Variants in DCLK3 observed in about 807,000 individuals in gnomAD.
DCLK3 encodes the protein doublecortin like kinase 3.
In DCLK3, 30 loss-of-function variants were observed where a neutral mutation model predicts 46.4. The ratio of observed to expected loss-of-function variants is 0.65; its 90% CI spans 0.48 to 0.88. The LOEUF (loss-of-function observed/expected upper bound fraction) is 0.88, where lower values mean the gene tolerates loss of function less well. Ranked by LOEUF, DCLK3 falls within the 40% of genes least tolerant of loss-of-function variation. The pLI, the probability that DCLK3 is intolerant of heterozygous loss-of-function variation, is 0.00. For synonymous variants in DCLK3, 401 were observed against 339.2 expected (o/e 1.18, Z -2.00); for missense variants, 846 against 907.1 (o/e 0.93, Z 0.87).
intron 1 of DCLK3, among the ~76,000 whole-genome samples, chr3:36,751,623 T>C (rs539264720): frequency 1.3e-5 from 2 of 152,384 alleles, no homozygotes; most frequent in East Asian, 3.9e-4. Context: ...AGAGGCTTTA[T>C]AAGGATAAAC....
At position 36,750,421 on chromosome 3, in the gene DCLK3, A is replaced by G. The variant is rs141018982; in HGVS notation, c.83-11337T>C. 3.6e-3 allele frequency among the ~76,000 whole-genome samples: 544 copies of G among 152,326 alleles called. 3 individuals carry two copies. Among genetic ancestry groups the G allele is most frequent in the African/African-American group, 0.012 (500 of 41,558 alleles). On this transcript the variant is annotated intron_variant, in intron 1 of 4. Coordinates refer to ENST00000636136, the MANE Select transcript of DCLK3 (RefSeq NM_001394672.2). ...TCAATTTATTTCTCAAGAAGAAATA[A>G]ATAAGCTAAATAGCTCCACTGTGCT...
intron 2 of DCLK3, among the ~76,000 whole-genome samples, chr3:36,733,009 G>T (rs1259851875): frequency 6.6e-6 from 1 of 152,172 alleles, no homozygotes; most frequent in Non-Finnish European, 1.5e-5. Context: ...TATCCTTCTG[G>T]ATTTTCCCTG....
At chr3:36,718,303 A>T in intron 3 of DCLK3, 126 bp from the exon 4 acceptor site, 1 of 1,285,578 alleles carries the variant, frequency 7.8e-7, no homozygotes. Context: ...GCTCTCAGCA[A>T]CCAAGAGCCA....
At chr3:36,743,612 C>T (rs1313260846) in intron 1 of DCLK3, among the ~76,000 whole-genome samples, 1 of 152,124 alleles carries the variant, frequency 6.6e-6, no homozygotes, top group African/African-American at 2.4e-5. Context: ...AATAAATTGA[C>T]CTGGACTTGA....
chr3:36,723,839 G>A (rs991248136), intron 2 of DCLK3, among the ~76,000 whole-genome samples: 2 of 152,212 alleles, frequency 1.3e-5, no homozygotes, highest in African/African-American at 4.8e-5. Flanking sequence ...GTGCAGAAGG[G>A]AAATGTGGGG....
At chr3:36,744,464 C>T (rs1701377001) in intron 1 of DCLK3, among the ~76,000 whole-genome samples, 1 of 152,184 alleles carries the variant, frequency 6.6e-6, no homozygotes, top group South Asian at 2.1e-4. Context: ...TTTGTTTTAG[C>T]GCAAAGAACA....
intron 2 of DCLK3, among the ~76,000 whole-genome samples, chr3:36,736,261 G>T (rs1231763384): frequency 6.6e-6 from 1 of 152,150 alleles, no homozygotes; most frequent in East Asian, 1.9e-4. Flanking sequence ...AGCACGTGGG[G>T]GTAATTCTAT....
rs1575142933 is a variant in DCLK3, at chr3:36,738,872, C to T, written c.295G>A (p.Val99Ile). ...GGGCGCTGCCCACCCAGCTTCACTACGGTCACGACCCTGGGCTTCAGAGGG... is the reference window on the plus strand; with the variant it reads ...GGGCGCTGCCCACCCAGCTTCACTATGGTCACGACCCTGGGCTTCAGAGGG... ...NSPLKPRVVT[V>I]VKLGGQRPRK... Residue 99 changes from valine to isoleucine, a missense_variant, in exon 2 of 5, where the codon GTA (valine) becomes ATA (isoleucine). Val to Ile is a conservative substitution (Grantham distance 29, BLOSUM62 3). Coordinates refer to ENST00000636136, the MANE Select transcript of DCLK3 (RefSeq NM_001394672.2). The T allele has an allele frequency of 4.2e-5, 21 of 494,556 alleles. No homozygotes were observed. In the East Asian group the frequency reaches 7.0e-4, roughly 16 times the overall value. 30.6% of individuals were successfully genotyped at this position (494,556 alleles called of 1,614,324 possible).
At chr3:36,751,086 A>AAAC (rs1559394270) in intron 1 of DCLK3, among the ~76,000 whole-genome samples, 1 of 149,946 alleles carries the variant, frequency 6.7e-6, no homozygotes, top group Non-Finnish European at 1.5e-5. Flanking sequence ...AAAAAAAAAA[A>AAAC]CTCCCCGAAG....
chr3:36,735,402 A>T (rs1701248806), intron 2 of DCLK3, among the ~76,000 whole-genome samples: 1 of 152,246 alleles, frequency 6.6e-6, no homozygotes, highest in Non-Finnish European at 1.5e-5. Flanking sequence ...CCAACCAGTC[A>T]AACTGCTTCT....
At chr3:36,728,493 C>T (rs946417904) in intron 2 of DCLK3, among the ~76,000 whole-genome samples, 8 of 152,088 alleles carry the variant, frequency 5.3e-5, no homozygotes, top group East Asian at 3.9e-4. Flanking sequence ...TTGGATAGAA[C>T]GAAAGTAGGG....
chr3:36,721,801 G>C lies in DCLK3; in HGVS notation c.1960-142C>G, dbSNP rs1575135355. 6.2e-6 allele frequency: 6 copies of C among 971,586 alleles called. No individual in the cohort carries two copies. In the African/African-American group the frequency reaches 9.9e-5, roughly 16 times the overall value. The allele number at this position is 971,586 out of a possible 1,614,324, so 60.2% of individuals were successfully genotyped here. A position where few individuals can be genotyped will look rare whatever the true frequency, so the allele number is the denominator to read the frequency against. ...TACAGCTTAGCCCAACACTGACAAA[G>C]CTAACTTGACCTCAATGACAAGGGC... is the stretch of plus-strand genomic sequence containing the variant. On this transcript the variant is annotated intron_variant, in intron 2 of 4. Coordinates refer to ENST00000636136, the MANE Select transcript of DCLK3 (RefSeq NM_001394672.2).
intron 1 of DCLK3, among the ~76,000 whole-genome samples, chr3:36,742,418 A>G (rs1476939135): frequency 6.6e-6 from 1 of 152,198 alleles, no homozygotes; most frequent in Non-Finnish European, 1.5e-5. Flanking sequence ...TAAGCTCCAT[A>G]AGAACAGCCT....
intron 2 of DCLK3, among the ~76,000 whole-genome samples, chr3:36,726,161 C>A (rs1313976337): frequency 3.9e-5 from 6 of 152,064 alleles, no homozygotes; most frequent in Non-Finnish European, 7.4e-5. Context: ...AAAGATGCAT[C>A]GGTGCCGCCT....
In DCLK3 at chr3:36,721,556, T is replaced by A; in HGVS notation, c.2063A>T (p.Tyr688Phe). Reference sequence around the variant, plus strand: ...CTCAGAAAGAATTTCGGGAGCTACGTAAGTTGGGGTCCCACACACAGTAAA... The same window carrying A: ...CTCAGAAAGAATTTCGGGAGCTACGAAAGTTGGGGTCCCACACACAGTAAA... ...PIFTVCGTPT[Y>F]VAPEILSEKG... The change falls in exon 3 of 5, where the codon TAC becomes TTC. Residue 688 changes from tyrosine to phenylalanine, a missense_variant. Tyr to Phe is a conservative substitution (Grantham distance 22). This residue lies in a region of DCLK3 where 247 missense variants were observed against 322.8 expected (regional missense o/e 0.77). Transcript: ENST00000636136. 3 of 1,614,138 alleles carry A rather than the reference T, an allele frequency of 1.9e-6. No individual in the cohort carries two copies. The highest frequency in any genetic ancestry group is 2.5e-6 in the Non-Finnish European group (3 of 1,180,004).
rs1054563305 is a variant in DCLK3 at position 36,715,098 on chromosome 3, C to T, written c.*230G>A. Reference sequence around the variant, plus strand: ...CCAAAATTCCTCACTGATGACAATGCTTACCCCCCAAAAATGTATTAAAGG... The same window carrying T: ...CCAAAATTCCTCACTGATGACAATGTTTACCCCCCAAAAATGTATTAAAGG... On this transcript the variant is annotated 3_prime_UTR_variant, in exon 5 of 5. Transcript: ENST00000636136. The T allele has an allele frequency of 1.2e-5, 6 of 519,478 alleles. No individual in the cohort carries two copies. The highest frequency in any genetic ancestry group is 2.0e-5 in the Non-Finnish European group (6 of 306,944). The allele number at this position is 519,478 out of a possible 1,614,324, so 32.2% of individuals were successfully genotyped here.
At chr3:36,735,959 CAGAA>C (rs1460687719) in intron 2 of DCLK3, among the ~76,000 whole-genome samples, 1 of 152,158 alleles carries the variant, frequency 6.6e-6, no homozygotes, top group Non-Finnish European at 1.5e-5. Flanking sequence ...AGGAGGGAGA[CAGAA>C]AGGCAAATAT....
chr3:36,730,193 T>TACACAC lies in DCLK3; in HGVS notation c.1959+7009_1959+7014dup, dbSNP rs55833576. Among the ~76,000 whole-genome samples, 558 of 143,158 alleles carry TACACAC rather than the reference T, an allele frequency of 3.9e-3. 7 individuals carry two copies. The highest frequency in any genetic ancestry group is 0.014 in the African/African-American group (519 of 37,700). 93.9% of individuals were successfully genotyped at this position (143,158 alleles called of 152,430 possible). A position where few individuals can be genotyped will look rare whatever the true frequency, so the allele number is the denominator to read the frequency against. On this transcript the variant is annotated intron_variant, in intron 2 of 4. Coordinates refer to ENST00000636136, the MANE Select transcript of DCLK3 (RefSeq NM_001394672.2). ...AAAATATATGTACATACACCATATATACACACACACACACACACACACACA... is the reference window on the plus strand; with the variant it reads ...AAAATATATGTACATACACCATATATACACACACACACACACACACACACACACACA...
chr3:36,737,839 C>T lies in DCLK3; in HGVS notation c.1328G>A (p.Gly443Asp), dbSNP rs1701285973. 1.9e-6 allele frequency: 3 copies of T among 1,614,028 alleles called. No homozygotes were observed. Among genetic ancestry groups the T allele is most frequent in the African/African-American group, 2.7e-5 (2 of 75,052 alleles). Residue 443 changes from glycine to aspartate, a missense_variant, in exon 2 of 5, where the codon GGC (glycine) becomes GAC (aspartate). Gly to Asp is a moderately conservative substitution (Grantham distance 94). Coordinates refer to ENST00000636136, the MANE Select transcript of DCLK3 (RefSeq NM_001394672.2). The surrounding 1 kb of genome is among the most constrained non-coding windows in gnomAD (Gnocchi z 4.4). ...TRPMSRSKHG[G>D]WLLREHQAGF... is the part of the protein sequence containing the mutation. ...CGCCTGGTGCTCTCTCAGGAGCCAG[C>T]CACCATGTTTGCTCCTGCTCATGGG...
Sources: allele counts gnomAD v4.1 joint callset (sites outside exome capture counted in the v4.1 genomes callset), GRCh38; gene constraint gnomAD v4.1.1; regional missense constraint gnomAD v4.1.1; non-coding constraint Gnocchi (gnomAD v3.1); transcripts MANE v1.5; gene names NCBI Gene and HGNC (gene_info 2026-07-23, HGNC 2026-07-21).